The following ANKHD1 variants were observed in gnomAD, a reference collection of about 807,000 sequenced individuals.
ANKHD1 encodes ankyrin repeat and KH domain containing 1, also known as ankyrin repeat and KH domain-containing protein 1.
In ANKHD1, 31 loss-of-function variants were observed where a neutral mutation model predicts 230.5. The ratio of observed to expected loss-of-function variants is 0.13; its 90% CI spans 0.10 to 0.18. The LOEUF (loss-of-function observed/expected upper bound fraction) is 0.18, where lower values mean the gene tolerates loss of function less well. Ranked by LOEUF, ANKHD1 falls within the 10% of genes least tolerant of loss-of-function variation. ANKHD1 has a pLI of 1.00. For synonymous variants in ANKHD1, 1,074 were observed against 1,117.6 expected (o/e 0.96, Z 0.78); for missense variants, 2,256 against 3,071.3 (o/e 0.73, Z 6.27).
At chr5:140,452,023 C>T (rs866742910) in intron 7 of ANKHD1, among the ~76,000 whole-genome samples, 7 of 152,180 alleles carry the variant, frequency 4.6e-5, no homozygotes, top group Middle Eastern at 3.4e-3. Flanking sequence ...ACGCATGAGA[C>T]GGGTGATTTC....
intron 1 of ANKHD1, among the ~76,000 whole-genome samples, chr5:140,418,762 G>A (rs1011272687): frequency 6.6e-6 from 1 of 152,128 alleles, no homozygotes; most frequent in African/African-American, 2.4e-5. Flanking sequence ...TCCGAGTCTT[G>A]CTCTGTCACC....
intron 1 of ANKHD1, among the ~76,000 whole-genome samples, chr5:140,413,771 G>T (rs1330871170): frequency 6.6e-6 from 1 of 151,610 alleles, no homozygotes; most frequent in East Asian, 1.9e-4. Flanking sequence ...GTTCATTTGG[G>T]TTTTTTTGTT....
chr5:140,452,867 A>G (rs1027700494), intron 7 of ANKHD1, among the ~76,000 whole-genome samples: 1 of 152,250 alleles, frequency 6.6e-6, no homozygotes. Context: ...AGCTGGATGG[A>G]GAATGACTTT....
chr5:140,446,922 T>C (rs1774325841), intron 6 of ANKHD1, among the ~76,000 whole-genome samples: 1 of 152,058 alleles, frequency 6.6e-6, no homozygotes, highest in East Asian at 1.9e-4. Flanking sequence ...TATCATTGTT[T>C]TTTTGAGACG....
At chr5:140,412,753 C>T (rs1305357354) in intron 1 of ANKHD1, among the ~76,000 whole-genome samples, 2 of 152,138 alleles carry the variant, frequency 1.3e-5, no homozygotes, top group African/African-American at 2.4e-5. Flanking sequence ...TTGATAGTTA[C>T]AGACAGTGCA....
chr5:140,526,296 G>T lies in ANKHD1; in HGVS notation c.4793G>T (p.Ser1598Ile). ...GGNSDSDNLD[S>I]TDCNSESSSG... The stretch of plus-strand genomic sequence containing the variant: ...AATAGTGATTCAGATAACTTGGACA[G>T]CACAGACTGCAACAGTGAGAGTAGC... Residue 1598 changes from serine (S) to isoleucine (I), a missense_variant, in exon 26 of 34, where the codon AGC becomes ATC. This residue lies in a region of ANKHD1 where 212 missense variants were observed against 257.3 expected (regional missense o/e 0.82). Transcript: ENST00000360839. 1 of 1,614,200 alleles carries T rather than the reference G, an allele frequency of 6.2e-7. No homozygotes were observed. Among genetic ancestry groups the T allele is most frequent in the Non-Finnish European group, 8.5e-7 (1 of 1,180,044 alleles).
At chr5:140,402,334 C>T (rs1000799475) in intron 1 of ANKHD1, 61 bp downstream of exon 1, 4 of 1,394,902 alleles carry the variant, frequency 2.9e-6, no homozygotes, top group Admixed American at 6.4e-5. Flanking sequence ...TTTGGGTAGG[C>T]TCTGGGCCGG....
intron 1 of ANKHD1, among the ~76,000 whole-genome samples, chr5:140,434,822 A>G (rs1773317994): frequency 6.6e-6 from 1 of 152,090 alleles, no homozygotes; most frequent in Non-Finnish European, 1.5e-5. Context: ...CATTTTTGGA[A>G]TTTCAGTTAA....
Position 140,436,218 on chromosome 5 carries a change from G to C in ANKHD1, c.421G>C (p.Glu141Gln), listed in dbSNP as rs937508716. The change falls in exon 2 of 34, where the codon GAG (glutamate) becomes CAG (glutamine). Residue 141 changes from glutamate to glutamine, a missense_variant. By Grantham distance (29) the Glu-to-Gln change is conservative. Around this residue, in one of 13 missense-constraint regions of ANKHD1, gnomAD observed 206 missense variants for 304.5 expected, o/e 0.68. Transcript: ENST00000360839. ...EGADLRTVDP[E>Q]TQARLEALLE... ...AGCAGACTTACGCACTGTGGATCCA[G>C]AGACACAGGCACGACTAGAAGCATT... 2 of 1,599,310 alleles carry C rather than the reference G, an allele frequency of 1.3e-6. No individual in the cohort carries two copies. Among genetic ancestry groups the C allele is most frequent in the Non-Finnish European group, 1.7e-6 (2 of 1,174,124 alleles).
Position 140,485,484 on chromosome 5 carries a change from A to G in ANKHD1, c.1999-105A>G, listed in dbSNP as rs1751468075. ...GTGTATAGTTATAAAAATATGTTTG[A>G]TCTATCTTAGTGCTTAGTATTTAAT... On this transcript the variant is annotated intron_variant, in intron 12 of 33. Transcript: ENST00000360839. This position sits in a 1 kb window ranked among gnomAD's most constrained non-coding sequence, Gnocchi z 4.8. 2.1e-6 allele frequency: 3 copies of G among 1,445,766 alleles called. No individual in the cohort carries two copies. Among genetic ancestry groups the G allele is most frequent in the East Asian group, 4.9e-5 (2 of 41,124 alleles). 89.6% of individuals were successfully genotyped at this position (1,445,766 alleles called of 1,614,324 possible). A position where few individuals can be genotyped will look rare whatever the true frequency, so the allele number is the denominator to read the frequency against.
intron 10 of ANKHD1, among the ~76,000 whole-genome samples, chr5:140,479,842 A>G (rs1345519732): frequency 6.6e-6 from 1 of 150,524 alleles, no homozygotes; most frequent in Non-Finnish European, 1.5e-5. Flanking sequence ...ATATGTATGT[A>G]TATAATGGGA....
chr5:140,529,944 T>A, intron 29 of ANKHD1, 148 bp downstream of exon 29: 1 of 1,279,978 alleles, frequency 7.8e-7, no homozygotes, highest in Non-Finnish European at 1.0e-6. Context: ...TCCCTCATAG[T>A]AAGGAAGTTA....
At chr5:140,424,739 C>A (rs1326715070) in intron 1 of ANKHD1, among the ~76,000 whole-genome samples, 5 of 152,162 alleles carry the variant, frequency 3.3e-5, no homozygotes, top group Admixed American at 3.3e-4. Context: ...TATTTTCTGA[C>A]AATATGATTG....
intron 6 of ANKHD1, 52 bp downstream of exon 6, chr5:140,446,027 T>G (rs1293214019): frequency 6.8e-7 from 1 of 1,474,100 alleles, no homozygotes; most frequent in Non-Finnish European, 9.0e-7. Flanking sequence ...CCACTTTGAT[T>G]ATTTGAGTAT....
In ANKHD1 at chr5:140,445,751, C is replaced by T. The variant is rs754993463; in HGVS notation, c.923C>T (p.Ala308Val). The part of the protein sequence containing the change: ...VNSQSATGNT[A>V]LTYACAGGFV... Reference sequence around the variant, plus strand: ...TTCTTCTTCTTTTTAGGAAACACTGCGCTAACTTATGCATGTGCTGGAGGA... The same window carrying T: ...TTCTTCTTCTTTTTAGGAAACACTGTGCTAACTTATGCATGTGCTGGAGGA... The change falls in exon 6 of 34, where the codon GCG becomes GTG. Residue 308 changes from alanine (A) to valine (V), a missense_variant. Ala to Val is a moderately conservative substitution (Grantham distance 64, BLOSUM62 0). Coordinates refer to ENST00000360839, the MANE Select transcript of ANKHD1 (RefSeq NM_017747.3). 6.9e-6 allele frequency: 11 copies of T among 1,595,232 alleles called. No individual in the cohort carries two copies. The highest frequency in any genetic ancestry group is 1.3e-5 in the African/African-American group (1 of 74,648).
intron 24 of ANKHD1, among the ~76,000 whole-genome samples, chr5:140,520,472 A>G (rs964275236): frequency 1.8e-4 from 27 of 152,194 alleles, no homozygotes; most frequent in Middle Eastern, 6.8e-3. Flanking sequence ...ATAAAGACAC[A>G]TGCACACGTA....
intron 10 of ANKHD1, among the ~76,000 whole-genome samples, chr5:140,474,991 A>G (rs1750884906): frequency 6.6e-6 from 1 of 152,144 alleles, no homozygotes; most frequent in African/African-American, 2.4e-5. Flanking sequence ...TAACTTTACT[A>G]CTTAAAACTA....
intron 23 of ANKHD1, 70 bp from the exon 24 acceptor site, chr5:140,513,293 G>A (rs947691280): frequency 1.4e-6 from 2 of 1,439,756 alleles, no homozygotes; most frequent in Admixed American, 4.5e-5. Flanking sequence ...GGACTTTAAT[G>A]TGCTCATCAG....
At chr5:140,517,793 G>A (rs1238400667) in intron 24 of ANKHD1, among the ~76,000 whole-genome samples, 11 of 147,978 alleles carry the variant, frequency 7.4e-5, no homozygotes, top group Non-Finnish European at 1.0e-4. Flanking sequence ...TCAAAGCAGT[G>A]TGTAGAGGGA....
Sources: allele counts gnomAD v4.1 joint callset (sites outside exome capture counted in the v4.1 genomes callset), GRCh38; gene constraint gnomAD v4.1.1; regional missense constraint gnomAD v4.1.1; non-coding constraint Gnocchi (gnomAD v3.1); transcripts MANE v1.5; gene names NCBI Gene and HGNC (gene_info 2026-07-23, HGNC 2026-07-21).